The following BMPR2 variants were observed in gnomAD, a reference collection of about 807,000 sequenced individuals.
BMPR2 encodes the protein bone morphogenetic protein receptor type 2.
A neutral mutation model predicts 100.8 loss-of-function variants in BMPR2; 29 were observed. The observed-to-expected ratio is 0.29, with a 90% CI of 0.21 to 0.39. The LOEUF (loss-of-function observed/expected upper bound fraction) is 0.39, where lower values mean the gene tolerates loss of function less well. Ranked by LOEUF, BMPR2 falls within the 10% of genes least tolerant of loss-of-function variation. BMPR2 has a pLI of 1.00. For synonymous variants in BMPR2, 382 were observed against 442.3 expected (o/e 0.86, Z 1.71); for missense variants, 1,011 against 1,274.5 (o/e 0.79, Z 3.15).
chr2:202,402,710 A>G (rs887759034), intron 1 of BMPR2, among the ~76,000 whole-genome samples: 1 of 149,248 alleles, frequency 6.7e-6, no homozygotes, highest in Admixed American at 6.7e-5. Context: ...TCTGTCACTC[A>G]TGCTGGAGTG....
intron 3 of BMPR2, among the ~76,000 whole-genome samples, chr2:202,469,125 G>C (rs900643115): frequency 6.6e-6 from 1 of 152,188 alleles, no homozygotes; most frequent in African/African-American, 2.4e-5. Flanking sequence ...CTGCCTCCCA[G>C]GTTCAAGCGA....
At chr2:202,552,107 C>G (rs1463952064) in intron 10 of BMPR2, among the ~76,000 whole-genome samples, 1 of 152,108 alleles carries the variant, frequency 6.6e-6, no homozygotes, top group African/African-American at 2.4e-5. Flanking sequence ...CCCGACTTGG[C>G]CTCCCAAAGT....
intron 1 of BMPR2, among the ~76,000 whole-genome samples, chr2:202,390,489 GC>G (rs1272508814): frequency 6.6e-6 from 1 of 151,872 alleles, no homozygotes; most frequent in Non-Finnish European, 1.5e-5. Flanking sequence ...GTGCCACCAT[GC>G]CTGGCTAATT....
rs192599790 is a variant in BMPR2 at position 202,551,043 on chromosome 2, G to A, written c.1414-1673G>A. ...GCGATCTCGGCTCACTCCAACATCC[G>A]CCTCCTGGGTTCAAGCAATTTTCCT... On this transcript the variant is annotated intron_variant, in intron 10 of 12. Coordinates refer to ENST00000374580, the MANE Select transcript of BMPR2 (RefSeq NM_001204.7). Among the ~76,000 whole-genome samples the A allele has an allele frequency of 3.8e-4, 49 of 129,620 alleles. No homozygotes were observed. The East Asian group carries it at 7.3e-3, about 19-fold the overall frequency. The allele number at this position is 129,620 out of a possible 152,430, so 85.0% of individuals were successfully genotyped here.
In BMPR2 at chr2:202,377,157, C is replaced by A. The variant is rs1023402651; in HGVS notation, c.-318C>A. ...ATATTTTTTTGATATCGTGAAACTA[C>A]GAGGGAAATAATTTGGGGGATTTCT... On this transcript the variant is annotated 5_prime_UTR_variant, in exon 1 of 13. Transcript: ENST00000374580. 3 of 585,926 alleles carry A rather than the reference C, an allele frequency of 5.1e-6. No individual in the cohort carries two copies. Among genetic ancestry groups the A allele is most frequent in the African/African-American group, 3.7e-5 (2 of 53,364 alleles). The allele number at this position is 585,926 out of a possible 1,614,324, so 36.3% of individuals were successfully genotyped here.
At chr2:202,424,144 C>A (rs765714609) in intron 1 of BMPR2, among the ~76,000 whole-genome samples, 1 of 148,658 alleles carries the variant, frequency 6.7e-6, no homozygotes, top group African/African-American at 2.5e-5. Context: ...GAGGCCGAGG[C>A]GGGCAGATCA....
rs1060502576 is a variant in BMPR2 at position 202,542,432 on chromosome 2, G to A, written c.1398G>A (p.Trp466Ter). The change falls in exon 10 of 13, where the codon TGG becomes TGA. Residue 466 changes from tryptophan to a stop codon, truncating the protein, a stop_gained. Transcript: ENST00000374580. LOFTEE classifies it high-confidence loss of function. ...EKQRPKFPEA[W>*]KENSLAVRSL... ...AGAGACCCAAGTTCCCAGAAGCCTG[G>A]AAAGAAAATAGCCTGGTAAGAAAAA... 6.2e-7 allele frequency: 1 copy of A among 1,613,988 alleles called. No individual in the cohort carries two copies. Among genetic ancestry groups the A allele is most frequent in the Non-Finnish European group, 8.5e-7 (1 of 1,179,972 alleles).
chr2:202,507,331 A>T (rs187453118), intron 3 of BMPR2, among the ~76,000 whole-genome samples: 194 of 152,330 alleles, frequency 1.3e-3, no homozygotes, highest in African/African-American at 4.5e-3. Context: ...TTGGCTTGTT[A>T]CTAAGATGGG....
At chr2:202,542,288 C>T (rs1210097274) in intron 9 of BMPR2, 23 bp from the exon 10 acceptor site, 2 of 1,612,974 alleles carry the variant, frequency 1.2e-6, no homozygotes, top group South Asian at 2.2e-5. Flanking sequence ...TTTATTCTGT[C>T]ATTCTTTTCT....
chr2:202,552,784 A>G lies in BMPR2; in HGVS notation c.1482A>G (p.Ala494=). 6.2e-7 allele frequency: 1 copy of G among 1,614,180 alleles called. No homozygotes were observed. Among genetic ancestry groups the G allele is most frequent in the Non-Finnish European group, 8.5e-7 (1 of 1,180,030 alleles). Residue 494 remains alanine (A), a synonymous_variant, in exon 11 of 13, where the codon GCA becomes GCG. Coordinates refer to ENST00000374580, the MANE Select transcript of BMPR2 (RefSeq NM_001204.7). Reference sequence around the variant, plus strand: ...AGGATGCAGAGGCTCGGCTTACTGCACAGTGTGCTGAGGAAAGGATGGCTG... The same window carrying G: ...AGGATGCAGAGGCTCGGCTTACTGCGCAGTGTGCTGAGGAAAGGATGGCTG... ...WDQDAEARLT[A]QCAEERMAEL...
In BMPR2 at chr2:202,556,203, G is replaced by A. The variant is rs1688568440; in HGVS notation, c.2538G>A (p.Met846Ile). 1 of 1,610,900 alleles carries A rather than the reference G, an allele frequency of 6.2e-7. No individual in the cohort carries two copies. The change falls in exon 12 of 13, where the codon ATG becomes ATA. Residue 846 changes from methionine to isoleucine, a missense_variant. Met to Ile is a conservative substitution (Grantham distance 10, BLOSUM62 1). Around this residue, in one of 6 missense-constraint regions of BMPR2, gnomAD observed 508 missense variants for 552.0 expected, o/e 0.92. Coordinates refer to ENST00000374580, the MANE Select transcript of BMPR2 (RefSeq NM_001204.7). ...TNIVTHRAQEMLQNQFIGEDT... is the reference protein window; with the variant it reads ...TNIVTHRAQEILQNQFIGEDT... Reference sequence around the variant, plus strand: ...TAGTGACACATAGGGCCCAAGAAATGTTGCAGAATCAGTTTATTGGTGAGG... The same window carrying A: ...TAGTGACACATAGGGCCCAAGAAATATTGCAGAATCAGTTTATTGGTGAGG...
intron 7 of BMPR2, among the ~76,000 whole-genome samples, chr2:202,527,150 C>T (rs1452629941): frequency 6.6e-6 from 1 of 152,124 alleles, no homozygotes; most frequent in Non-Finnish European, 1.5e-5. Flanking sequence ...AGGCATGAGC[C>T]ACTGTGCCTG....
rs568495261 is a variant in BMPR2 at position 202,383,672 on chromosome 2, CAA to C, written c.76+6137_76+6138del. 5.9e-3 allele frequency among the ~76,000 whole-genome samples: 623 copies of C among 105,248 alleles called. 5 individuals carry two copies. Among genetic ancestry groups the C allele is most frequent in the African/African-American group, 0.018 (555 of 31,386 alleles). The allele number at this position is 105,248 out of a possible 152,430, so 69.0% of individuals were successfully genotyped here. ...CTGGGCAACAAGAGCGAAACTCTGT[CAA>C]AAAAAAAAAAAAAAGAAAAAAACAA... On this transcript the variant is annotated intron_variant, in intron 1 of 12. Transcript: ENST00000374580.
At chr2:202,545,001 G>C (rs991836012) in intron 10 of BMPR2, among the ~76,000 whole-genome samples, 2 of 151,432 alleles carry the variant, frequency 1.3e-5, no homozygotes, top group African/African-American at 4.8e-5. Flanking sequence ...AATTCAAGCA[G>C]TCCTCCTACC....
At chr2:202,499,493 C>T (rs12473000) in intron 3 of BMPR2, among the ~76,000 whole-genome samples, 18,213 of 152,064 alleles carry the variant, frequency 0.12, 1,204 homozygotes, top group Admixed American at 0.14. Flanking sequence ...GACCTGTGTT[C>T]TAGAAGGACT....
intron 3 of BMPR2, among the ~76,000 whole-genome samples, chr2:202,470,535 C>G (rs560770015): frequency 2.4e-4 from 35 of 146,830 alleles, no homozygotes; most frequent in African/African-American, 8.1e-4. Flanking sequence ...GCCGAGGCAG[C>G]TGGATCATGA....
At chr2:202,500,546 C>T (rs570611691) in intron 3 of BMPR2, among the ~76,000 whole-genome samples, 35 of 152,276 alleles carry the variant, frequency 2.3e-4, no homozygotes, top group Admixed American at 1.7e-3. Flanking sequence ...GTTAAAAGAT[C>T]CCACCAGTTT....
chr2:202,488,648 G>T (rs1692833570), intron 3 of BMPR2, among the ~76,000 whole-genome samples: 1 of 151,988 alleles, frequency 6.6e-6, no homozygotes, highest in Admixed American at 6.6e-5. Flanking sequence ...CCTCAGGATG[G>T]TCTCAAGCTC....
At chr2:202,411,678 A>G (rs1438460743) in intron 1 of BMPR2, among the ~76,000 whole-genome samples, 3 of 152,112 alleles carry the variant, frequency 2.0e-5, no homozygotes, top group African/African-American at 7.2e-5. Flanking sequence ...ACGTTTATTT[A>G]ACACGTCAGA....
Sources: allele counts gnomAD v4.1 joint callset (sites outside exome capture counted in the v4.1 genomes callset), GRCh38; gene constraint gnomAD v4.1.1; regional missense constraint gnomAD v4.1.1; transcripts MANE v1.5; gene names NCBI Gene and HGNC (gene_info 2026-07-23, HGNC 2026-07-21).